The following FAM53A variants were observed in gnomAD, a reference collection of about 807,000 sequenced individuals.
FAM53A encodes family with sequence similarity 53 member A.
Under a neutral mutation model 26.6 loss-of-function variants are expected in FAM53A, and 28 were observed. The ratio of observed to expected loss-of-function variants is 1.05; its 90% confidence interval spans 0.78 to 1.45. The LOEUF is 1.45. FAM53A is among the 40% of genes most tolerant of loss of function. The probability of loss-of-function intolerance (pLI) is 0.00; values close to 1 mark genes in which losing one functional copy is unlikely to be tolerated. For synonymous variants in FAM53A, 290 were observed against 253.1 expected, an observed-to-expected ratio of 1.15 and a Z score of -1.38; for missense variants, 650 against 575.8, an observed-to-expected ratio of 1.13 and a Z score of -1.32.
intron 4 of FAM53A, among the ~76,000 whole-genome samples, chr4:1,652,286 CAT>C (rs1712905286): frequency 6.8e-6 from 1 of 147,924 alleles, no homozygotes; most frequent in Admixed American, 6.7e-5. Context: ...CAGACACACA[CAT>C]GCCACACACA....
intron 4 of FAM53A, among the ~76,000 whole-genome samples, chr4:1,653,802 G>A (rs1190943393): frequency 6.6e-6 from 1 of 152,268 alleles, no homozygotes; most frequent in African/African-American, 2.4e-5. Flanking sequence ...GCGTCCTGGA[G>A]GACCCTGGGG....
chr4:1,655,078 T>C lies in FAM53A; in HGVS notation c.782A>G (p.Gln261Arg). ...CCTCTTCCCACTGAGCACGCAAGGCTGTGAGCGGCACCGGAGCAGCCCACG... is the reference window on the plus strand; with the variant it reads ...CCTCTTCCCACTGAGCACGCAAGGCCGTGAGCGGCACCGGAGCAGCCCACG... ...GRRGLLRCRS[Q>R]PCVLSGKRSR... Residue 261 changes from glutamine to arginine, a missense_variant, in exon 4 of 5, where the codon CAG becomes CGG. Transcript: ENST00000308132. The C allele has an allele frequency of 6.2e-7, 1 of 1,601,394 alleles. No homozygotes were observed. The highest frequency in any genetic ancestry group is 1.1e-5 in the South Asian group (1 of 89,302).
rs1381389520 is a variant in FAM53A, at chr4:1,657,447, G to C, written c.97C>G (p.Leu33Val). 3.1e-6 allele frequency: 5 copies of C among 1,613,942 alleles called. No individual in the cohort carries two copies. Among genetic ancestry groups the C allele is most frequent in the Non-Finnish European group, 4.2e-6 (5 of 1,179,932 alleles). Residue 33 changes from leucine (L) to valine (V), a missense_variant, in exon 3 of 5, where the codon CTG (leucine) becomes GTG (valine). By Grantham distance (32) the Leu-to-Val change is conservative. Coordinates refer to ENST00000308132, the MANE Select transcript of FAM53A (RefSeq NM_001174070.3). ...AGPLQYSAET[L>V]NKSGRLFPLE... ...GGGAACAGACGACCGCTCTTGTTCA[G>C]GGTTTCCGCAGAATACTGCAACTGA...
At chr4:1,625,022 C>T (rs1217580130) in intron 1 of FAM53A, among the ~76,000 whole-genome samples, 3 of 132,392 alleles carry the variant, frequency 2.3e-5, no homozygotes, top group African/African-American at 3.1e-5. Context: ...TCCCAGCCCA[C>T]GTGGTCAGGG....
At chr4:1,679,469 T>C (rs1715258711) in intron 1 of FAM53A, among the ~76,000 whole-genome samples, 1 of 143,372 alleles carries the variant, frequency 7.0e-6, no homozygotes, top group South Asian at 2.2e-4. Flanking sequence ...GTGGATCAAC[T>C]GAGGTCAGGA....
chr4:1,684,169 C>T (rs1317215613), intron 1 of FAM53A, 64 bp downstream of exon 1: 1 of 151,768 alleles, frequency 6.6e-6, no homozygotes, highest in Non-Finnish European at 1.5e-5. Context: ...GCCGGTGCGC[C>T]GAGGAATGGG....
chr4:1,676,351 G>A (rs1715042036), intron 1 of FAM53A, among the ~76,000 whole-genome samples: 1 of 152,114 alleles, frequency 6.6e-6, no homozygotes, highest in African/African-American at 2.4e-5. Context: ...CAGTCATTTT[G>A]GGGCAGGACC....
chr4:1,684,492 G>A (rs976500116), upstream of FAM53A, among the ~76,000 whole-genome samples: 2 of 150,704 alleles, frequency 1.3e-5, no homozygotes, highest in African/African-American at 4.8e-5. Context: ...CGCCCACCGA[G>A]TCCGCAGCGC....
downstream of FAM53A, among the ~76,000 whole-genome samples, chr4:1,639,553 G>A (rs139996770): frequency 0.01 from 1,535 of 152,294 alleles, 19 homozygotes; most frequent in Non-Finnish European, 0.015. Context: ...CTGACCCCGG[G>A]CCAGCACAGC....
intron 4 of FAM53A, among the ~76,000 whole-genome samples, chr4:1,651,596 C>T (rs1712787075): frequency 1.3e-5 from 2 of 151,568 alleles, no homozygotes; most frequent in Admixed American, 1.3e-4. Flanking sequence ...TCTCAGTAGC[C>T]GAAGAGGGTA....
intron 1 of FAM53A, among the ~76,000 whole-genome samples, chr4:1,623,651 G>A (rs371107797): frequency 3.9e-5 from 6 of 152,222 alleles, no homozygotes; most frequent in East Asian, 1.9e-4. Context: ...GGAACACGGC[G>A]GCAGCTCATC....
At chr4:1,645,978 G>A (rs960417508) in intron 4 of FAM53A, among the ~76,000 whole-genome samples, 13 of 152,098 alleles carry the variant, frequency 8.5e-5, no homozygotes, top group Admixed American at 3.3e-4. Flanking sequence ...TCAGTCCTCC[G>A]CGTCCTCTAT....
At chr4:1,611,214 C>T in the FAM53A span, among the ~76,000 whole-genome samples, 8 of 152,228 alleles carry the variant, frequency 5.3e-5, no homozygotes, top group Non-Finnish European at 1.0e-4. Flanking sequence ...GTGGCCTTCA[C>T]TCCTCTTGCT....
chr4:1,582,426 G>C, the FAM53A span, among the ~76,000 whole-genome samples: 1 of 152,216 alleles, frequency 6.6e-6, no homozygotes, highest in Non-Finnish European at 1.5e-5. Flanking sequence ...GAGTGAGCCA[G>C]TGCCATGTAT....
chr4:1,577,127 G>A, the FAM53A span, among the ~76,000 whole-genome samples: 16 of 152,298 alleles, frequency 1.1e-4, no homozygotes, highest in African/African-American at 3.8e-4. Flanking sequence ...GGCTGTCCTC[G>A]TGGTAGGGGA....
chr4:1,673,951 G>A (rs916531098), intron 1 of FAM53A, among the ~76,000 whole-genome samples: 2 of 152,264 alleles, frequency 1.3e-5, no homozygotes, highest in African/African-American at 2.4e-5. Context: ...AGACCCTCGT[G>A]TGGAACATGC....
chr4:1,611,309 AG>A, the FAM53A span, among the ~76,000 whole-genome samples: 1 of 151,996 alleles, frequency 6.6e-6, no homozygotes, highest in East Asian at 1.9e-4. Flanking sequence ...CCCTGGCTGG[AG>A]GGGGGCCCCC....
At chr4:1,639,230 C>G (rs1715986481), downstream of FAM53A, among the ~76,000 whole-genome samples, 3 of 152,218 alleles carry the variant, frequency 2.0e-5, no homozygotes, top group Non-Finnish European at 2.9e-5. Flanking sequence ...AGCCTCTGAC[C>G]TGAGGGACCC....
chr4:1,614,285 C>A (rs1015885283), downstream of FAM53A, among the ~76,000 whole-genome samples: 3 of 151,980 alleles, frequency 2.0e-5, no homozygotes, highest in Non-Finnish European at 4.4e-5. Flanking sequence ...CAGCCAAAGT[C>A]ACGGGGCCTG....
Sources: gnomAD v4.1 joint callset for allele counts (sites outside exome capture counted in the v4.1 genomes callset) on GRCh38, gnomAD v4.1.1 for gene constraint, MANE v1.5 for transcripts, NCBI Gene and HGNC (gene_info 2026-07-23, HGNC 2026-07-21) for gene names.